The following CCDC97 variants were observed in gnomAD, a reference collection of about 807,000 sequenced individuals.
CCDC97 encodes the protein coiled-coil domain-containing protein 97.
CCDC97 carries 27 observed loss-of-function variants against 33.9 expected under a neutral mutation model. The ratio of observed to expected loss-of-function variants is 0.80; its 90% confidence interval spans 0.59 to 1.10. CCDC97 has a LOEUF of 1.10. Among genes scored for constraint, CCDC97 ranks in the 50% least tolerant of loss-of-function variants. The probability of loss-of-function intolerance (pLI) is 0.00; values close to 1 mark genes in which losing one functional copy is unlikely to be tolerated. For missense variants in CCDC97, 422 were observed against 476.6 expected, an observed-to-expected ratio of 0.89 and a Z score of 1.07; for synonymous variants, 217 against 194.0, an observed-to-expected ratio of 1.12 and a Z score of -0.99.
chr19:41,322,762 G>A lies in CCDC97; in HGVS notation c.*47G>A. 6.3e-7 allele frequency: 1 copy of A among 1,599,822 alleles called. No homozygotes were observed. The highest frequency in any genetic ancestry group is 8.5e-7 in the Non-Finnish European group (1 of 1,172,184). On this transcript the variant is annotated 3_prime_UTR_variant, in exon 5 of 5. Transcript: ENST00000269967. ...CCTGCCCCATCCCCATCCCCAACAAGGCAGCTGATTCCAGGCCTGCTCAGT... is the reference window on the plus strand; with the variant it reads ...CCTGCCCCATCCCCATCCCCAACAAAGCAGCTGATTCCAGGCCTGCTCAGT...
rs747257487 is a variant in CCDC97 at position 41,316,364 on chromosome 19, C to T, written c.47-20C>T. On this transcript the variant is annotated intron_variant, in intron 1 of 4. Transcript: ENST00000269967. ...TCCCACACTCCCATCTCTGAACTAA[C>T]CAATCTCTCCTTTCCTCAGGCTGCA... 3 of 1,594,132 alleles carry T rather than the reference C, an allele frequency of 1.9e-6. No individual in the cohort carries two copies. In the South Asian group the frequency reaches 3.3e-5, roughly 18 times the overall value.
rs776032328 is a variant in CCDC97, at chr19:41,319,636, A to G, written c.565A>G (p.Ile189Val). Residue 189 changes from isoleucine to valine, a missense_variant, in exon 3 of 5, where the codon ATC becomes GTC. By Grantham distance (29) the Ile-to-Val change is conservative. Transcript: ENST00000269967. Reference sequence around the variant, plus strand: ...GGCCCCCCTGCTATATGAGCAGTACATCGGGCAGTATCTCACCCAGGAGGA... The same window carrying G: ...GGCCCCCCTGCTATATGAGCAGTACGTCGGGCAGTATCTCACCCAGGAGGA... ...FRAPLLYEQY[I>V]GQYLTQEELS... 1.1e-5 allele frequency: 17 copies of G among 1,613,912 alleles called. No homozygotes were observed. Among genetic ancestry groups the G allele is most frequent in the South Asian group, 7.7e-5 (7 of 91,074 alleles).
intron 1 of CCDC97, among the ~76,000 whole-genome samples, chr19:41,311,622 A>G (rs2037685913): frequency 6.6e-6 from 1 of 151,904 alleles, no homozygotes; most frequent in Non-Finnish European, 1.5e-5. Context: ...AATCCCAGCT[A>G]CTCGGGAGGC....
rs1470379322 is a variant in CCDC97 at position 41,319,610 on chromosome 19, G to C, written c.539G>C (p.Arg180Pro). The C allele has an allele frequency of 1.9e-6, 3 of 1,611,558 alleles. No homozygotes were observed. Among genetic ancestry groups the C allele is most frequent in the Non-Finnish European group, 2.5e-6 (3 of 1,178,408 alleles). ...EYFSDEQMRF[R>P]APLLYEQYIG... The stretch of plus-strand genomic sequence containing the variant: ...TTCAGTGATGAGCAGATGCGGTTCC[G>C]GGCCCCCCTGCTATATGAGCAGTAC... Residue 180 changes from arginine (R) to proline (P), a missense_variant, in exon 3 of 5, where the codon CGG becomes CCG. Transcript: ENST00000269967.
intron 2 of CCDC97, among the ~76,000 whole-genome samples, chr19:41,319,008 C>T (rs1054212579): frequency 2.6e-5 from 4 of 152,222 alleles, no homozygotes; most frequent in African/African-American, 9.6e-5. Context: ...CATGCTGACA[C>T]CCAGACAGAC....
intron 4 of CCDC97, among the ~76,000 whole-genome samples, chr19:41,322,220 A>G (rs886069615): frequency 2.6e-5 from 4 of 152,058 alleles, no homozygotes; most frequent in Non-Finnish European, 5.9e-5. Context: ...CAGCCAACTG[A>G]GTAAGCTGGG....
intron 4 of CCDC97, among the ~76,000 whole-genome samples, chr19:41,321,074 T>C (rs1001303720): frequency 6.6e-6 from 1 of 152,204 alleles, no homozygotes; most frequent in African/African-American, 2.4e-5. Context: ...CCCTCCTTGG[T>C]TTCACATCCA....
At chr19:41,310,552 C>A in intron 1 of CCDC97, 196 bp downstream of exon 1, 5 of 985,322 alleles carry the variant, frequency 5.1e-6, no homozygotes, top group Non-Finnish European at 6.0e-6. Flanking sequence ...TCCATTCCTT[C>A]CCCCCGAAAT....
At chr19:41,322,459 C>A in intron 4 of CCDC97, 136 bp from the exon 5 acceptor site, 1 of 876,768 alleles carries the variant, frequency 1.1e-6, no homozygotes, top group Non-Finnish European at 1.7e-6. Flanking sequence ...GAGTTTTAAA[C>A]ACTATCTCCC....
intron 2 of CCDC97, among the ~76,000 whole-genome samples, chr19:41,318,428 A>G (rs2037776468): frequency 6.6e-6 from 1 of 152,198 alleles, no homozygotes; most frequent in South Asian, 2.1e-4. Context: ...ACTACACTCC[A>G]GCCTGGGCAA....
At chr19:41,317,092 T>A (rs927375174) in intron 2 of CCDC97, among the ~76,000 whole-genome samples, 4 of 152,150 alleles carry the variant, frequency 2.6e-5, no homozygotes, top group African/African-American at 9.7e-5. Context: ...AGAAGTGGCA[T>A]TTCAGATTGG....
At position 41,319,790 on chromosome 19, in the gene CCDC97, A is replaced by G. The variant is rs775007893; in HGVS notation, c.719A>G (p.Gln240Arg). The G allele has an allele frequency of 8.1e-6, 13 of 1,610,676 alleles. No homozygotes were observed. Among genetic ancestry groups the G allele is most frequent in the Non-Finnish European group, 9.3e-6 (11 of 1,178,654 alleles). ...ERELQQRLLQ[Q>R]QEEEEACLEE... ...GAGCTACAGCAGCGTCTGCTCCAAC[A>G]GCAGGAGGAGGAGGAGGCCTGCTTG... Residue 240 changes from glutamine (Q) to arginine (R), a missense_variant, in exon 3 of 5, where the codon CAG becomes CGG. Coordinates refer to ENST00000269967, the MANE Select transcript of CCDC97 (RefSeq NM_052848.3).
chr19:41,318,681 C>T (rs2037779224), intron 2 of CCDC97, among the ~76,000 whole-genome samples: 2 of 152,242 alleles, frequency 1.3e-5, no homozygotes, highest in African/African-American at 4.8e-5. Context: ...GTCACTCGTG[C>T]AGAAACAGGC....
intron 2 of CCDC97, 93 bp from the exon 3 acceptor site, chr19:41,319,481 C>T: frequency 1.5e-5 from 14 of 930,020 alleles, no homozygotes; most frequent in Non-Finnish European, 2.2e-5. Flanking sequence ...TGTGTATGCA[C>T]ATCATCCCAC....
intron 3 of CCDC97, 106 bp from the exon 4 acceptor site, chr19:41,320,235 A>G: frequency 1.4e-6 from 2 of 1,465,050 alleles, no homozygotes; most frequent in Non-Finnish European, 1.9e-6. Context: ...TCCCAGAGCC[A>G]CCCAGCGCAA....
intron 1 of CCDC97, among the ~76,000 whole-genome samples, chr19:41,311,825 G>A (rs2037689072): frequency 6.6e-6 from 1 of 152,128 alleles, no homozygotes; most frequent in South Asian, 2.1e-4. Context: ...CTTGAGCCCA[G>A]GAGGTCAAAG....
In CCDC97 at chr19:41,323,278, C is replaced by T. The variant is rs888411448; in HGVS notation, c.*563C>T. On this transcript the variant is annotated 3_prime_UTR_variant, in exon 5 of 5. Coordinates refer to ENST00000269967, the MANE Select transcript of CCDC97 (RefSeq NM_052848.3). ...GAGCCTCCTTGCTTCTGTTAGGTTC[C>T]CATCTCTCCTTCTGCCTCACTCTGG... The T allele has an allele frequency of 6.5e-6, 1 of 154,374 alleles. No homozygotes were observed. The highest frequency in any genetic ancestry group is 1.9e-4 in the South Asian group (1 of 5,140). The allele number at this position is 154,374 out of a possible 1,614,324, so 9.6% of individuals were successfully genotyped here.
intron 1 of CCDC97, chr19:41,310,621 G>A (rs1034048496): frequency 2.0e-6 from 2 of 985,220 alleles, no homozygotes. Flanking sequence ...TTCCTTACCA[G>A]GCTAACTCTC....
intron 4 of CCDC97, chr19:41,320,749 T>C (rs913533679): frequency 1.5e-5 from 5 of 344,372 alleles, no homozygotes; most frequent in Middle Eastern, 9.4e-4. Flanking sequence ...ACTTCCCTCC[T>C]GGCAATGGCA....
Sources: gnomAD v4.1 joint callset for allele counts (sites outside exome capture counted in the v4.1 genomes callset) on GRCh38, gnomAD v4.1.1 for gene constraint, MANE v1.5 for transcripts, NCBI Gene and HGNC (gene_info 2026-07-23, HGNC 2026-07-21) for gene names.